The following PALB2 variants were observed in gnomAD, a reference collection of about 807,000 sequenced individuals.
The protein encoded by PALB2 is mutant partner and localizer of BRCA2.
In PALB2, 82 loss-of-function variants were observed where a neutral mutation model predicts 107.4. That is an observed-to-expected ratio of 0.76 (90% CI 0.64 to 0.92). The LOEUF is 0.92. PALB2 is among the 40% of genes least tolerant of loss of function. The pLI is 0.00. For missense variants in PALB2, 1,374 were observed against 1,379.9 expected, an observed-to-expected ratio of 1.00 and a Z score of 0.07; for synonymous variants, 489 against 496.8, an observed-to-expected ratio of 0.98 and a Z score of 0.21.
At position 23,629,719 on chromosome 16, in the gene PALB2, G is replaced by C. The variant is rs774502617; in HGVS notation, c.2435C>G (p.Pro812Arg). ...CDSVPPGTPP[P>R]IESFTFKENQ... ...TTCTTTAAAAGTGAATGACTCAATG[G>C]GTGGAGGTGTTCCTGGCGGGACAGA... Residue 812 changes from proline (P) to arginine (R), a missense_variant, in exon 5 of 13, where the codon CCC (proline) becomes CGC (arginine). Coordinates refer to ENST00000261584, the MANE Select transcript of PALB2 (RefSeq NM_024675.4). 1 of 1,614,214 alleles carries C rather than the reference G, an allele frequency of 6.2e-7. No individual in the cohort carries two copies. The highest frequency in any genetic ancestry group is 8.5e-7 in the Non-Finnish European group (1 of 1,180,036).
At chr16:23,637,212 T>C (rs937635509) in intron 3 of PALB2, among the ~76,000 whole-genome samples, 3 of 151,902 alleles carry the variant, frequency 2.0e-5, no homozygotes, top group Non-Finnish European at 4.4e-5. Flanking sequence ...TGAGCCACTG[T>C]ACTCCAGCCT....
At chr16:23,634,805 T>G (rs1966944138) in intron 4 of PALB2, 57 bp downstream of exon 4, 1 of 1,563,678 alleles carries the variant, frequency 6.4e-7, no homozygotes. Flanking sequence ...GCCAGGCAAA[T>G]AGTAATTGTT....
rs189133062 is a variant in PALB2 at position 23,618,186 on chromosome 16, C to A, written c.3113+3176G>T. 2.6e-5 allele frequency among the ~76,000 whole-genome samples: 4 copies of A among 152,232 alleles called. No homozygotes were observed. The East Asian group carries it at 7.7e-4, about 29-fold the overall frequency. ...TGATGCTGTGTGCCTGCAGTCCCAG[C>A]TACTCAGGAGGCTGAGGTGGGAGGA... is the stretch of plus-strand genomic sequence containing the variant. On this transcript the variant is annotated intron_variant, in intron 10 of 12. Transcript: ENST00000261584.
chr16:23,613,108 G>A (rs1383668990), intron 11 of PALB2, among the ~76,000 whole-genome samples: 2 of 151,994 alleles, frequency 1.3e-5, no homozygotes, highest in African/African-American at 2.4e-5. Context: ...GATCAAGGCG[G>A]GGTATTTGGG....
intron 1 of PALB2, 135 bp downstream of exon 1, chr16:23,640,975 C>G: frequency 1.0e-6 from 1 of 955,368 alleles, no homozygotes. Flanking sequence ...ATTTTCTGTG[C>G]CCCCTCAGCC....
Position 23,635,235 on chromosome 16 carries a change from T to C in PALB2, c.1311A>G (p.Lys437=), listed in dbSNP as rs190489275. ...AVIQSHLDVK[K]KGFKNKNKDA... is the part of the protein sequence containing the mutation. ...CCTTATTTTTATTTTTAAACCCTTT[T>C]TTCTTGACATCCAAATGACTCTGAA... Residue 437 remains lysine, a synonymous_variant, in exon 4 of 13, where the codon AAA becomes AAG. Transcript: ENST00000261584. 6.3e-5 allele frequency: 102 copies of C among 1,614,196 alleles called. 1 individual carries two copies. The South Asian group carries it at 9.8e-4, about 15-fold the overall frequency.
chr16:23,612,674 A>T (rs1966608710), intron 11 of PALB2, among the ~76,000 whole-genome samples: 1 of 151,924 alleles, frequency 6.6e-6, no homozygotes, highest in Non-Finnish European at 1.5e-5. Context: ...CTACAGCTGC[A>T]TGCCACCATG....
Position 23,630,169 on chromosome 16 carries a change from T to C in PALB2, c.1985A>G (p.Lys662Arg), listed in dbSNP as rs1441798714. 1 of 1,614,070 alleles carries C rather than the reference T, an allele frequency of 6.2e-7. No homozygotes were observed. Among genetic ancestry groups the C allele is most frequent in the Non-Finnish European group, 8.5e-7 (1 of 1,180,036 alleles). Residue 662 changes from lysine (K) to arginine (R), a missense_variant, in exon 5 of 13, where the codon AAA (lysine) becomes AGA (arginine). By Grantham distance (26) the Lys-to-Arg change is conservative (BLOSUM62 2). Coordinates refer to ENST00000261584, the MANE Select transcript of PALB2 (RefSeq NM_024675.4). The part of the protein sequence containing the change: ...SCIFPEELSP[K>R]RMDTEMEDLE... ...GTCCTCCATTTCTGTATCCATGCGT[T>C]TAGGACTCAGTTCCTCTGGAAAAAT...
intron 3 of PALB2, among the ~76,000 whole-genome samples, chr16:23,637,351 AAC>A (rs1259102873): frequency 6.6e-6 from 1 of 152,168 alleles, no homozygotes; most frequent in Non-Finnish European, 1.5e-5. Flanking sequence ...AAAAAGAATA[AAC>A]AGTCTAACTG....
chr16:23,637,769 A>C, intron 3 of PALB2, 81 bp downstream of exon 3: 1 of 1,036,020 alleles, frequency 9.7e-7, no homozygotes, highest in Non-Finnish European at 1.5e-6. Context: ...TTATCTTCAC[A>C]CTGTGGGAAA....
At chr16:23,606,379 T>C (rs1215673967) in intron 12 of PALB2, among the ~76,000 whole-genome samples, 1 of 151,528 alleles carries the variant, frequency 6.6e-6, no homozygotes, top group Non-Finnish European at 1.5e-5. Context: ...CACTCCAGCC[T>C]GGGCAACAAA....
At chr16:23,609,614 T>C (rs1177234526) in intron 11 of PALB2, among the ~76,000 whole-genome samples, 1 of 151,908 alleles carries the variant, frequency 6.6e-6, no homozygotes, top group Non-Finnish European at 1.5e-5. Flanking sequence ...GCCTCCTGGG[T>C]TCACGCCATT....
chr16:23,626,515 T>C, intron 6 of PALB2, 118 bp from the exon 7 acceptor site: 1 of 1,235,186 alleles, frequency 8.1e-7, no homozygotes. Flanking sequence ...AAAATTTAAG[T>C]CTTATGCAGG....
intron 4 of PALB2, among the ~76,000 whole-genome samples, chr16:23,631,109 C>CAA (rs58841030): frequency 6.3e-4 from 37 of 58,448 alleles, no homozygotes; most frequent in East Asian, 1.7e-3. Flanking sequence ...ACTAAAAATA[C>CAA]AAAAAAAAAA....
At chr16:23,627,120 G>A (rs1413563065) in intron 6 of PALB2, among the ~76,000 whole-genome samples, 1 of 152,126 alleles carries the variant, frequency 6.6e-6, no homozygotes. Context: ...TTATGACCAT[G>A]GGAGCACTAT....
Position 23,622,972 on chromosome 16 carries a change from C to G in PALB2, c.2993G>C (p.Gly998Ala), listed in dbSNP as rs45551636. The G allele has an allele frequency of 1.2e-6, 2 of 1,614,116 alleles. No homozygotes were observed. Among genetic ancestry groups the G allele is most frequent in the Non-Finnish European group, 8.5e-7 (1 of 1,180,010 alleles). The change falls in exon 9 of 13, where the codon GGA becomes GCA. Residue 998 changes from glycine (G) to alanine (A), a missense_variant. Coordinates refer to ENST00000261584, the MANE Select transcript of PALB2 (RefSeq NM_024675.4). ...QVEVMTFAED[G>A]GGKENQFLMP... ...AATCAATCAATGCTTTTCTTACCCT[C>G]CATCTTCTGCAAACGTCATGACTTC...
At chr16:23,606,466 A>C (rs1263660254) in intron 12 of PALB2, among the ~76,000 whole-genome samples, 2 of 152,216 alleles carry the variant, frequency 1.3e-5, no homozygotes, top group African/African-American at 4.8e-5. Flanking sequence ...GCACTTATCA[A>C]ATAAACTTTG....
Position 23,640,995 on chromosome 16 carries a change from G to C in PALB2, c.48+115C>G. On this transcript the variant is annotated intron_variant, in intron 1 of 12. Coordinates refer to ENST00000261584, the MANE Select transcript of PALB2 (RefSeq NM_024675.4). ...CTGTGCCCCCTCAGCCCTAAGAGGAGGGGGTGGTCAGATGATACTGCTGCC... is the reference window on the plus strand; with the variant it reads ...CTGTGCCCCCTCAGCCCTAAGAGGACGGGGTGGTCAGATGATACTGCTGCC... The C allele has an allele frequency of 4.3e-6, 5 of 1,167,816 alleles. No individual in the cohort carries two copies. The South Asian group carries it at 6.9e-5, about 16-fold the overall frequency. 72.3% of individuals were successfully genotyped at this position (1,167,816 alleles called of 1,614,324 possible).
rs1335897946 is a variant in PALB2, at chr16:23,635,672, G to T, written c.874C>A (p.Gln292Lys). The stretch of plus-strand genomic sequence containing the variant: ...GTAGAGACAGTCATTTTTTTGCCTT[G>T]TGCCTCCAAACTTACAGGTGAAGTA... ...RFTSPVSLEA[Q>K]GKKMTVSTDN... is the part of the protein sequence containing the mutation. Residue 292 changes from glutamine to lysine, a missense_variant, in exon 4 of 13, where the codon CAA (glutamine) becomes AAA (lysine). Coordinates refer to ENST00000261584, the MANE Select transcript of PALB2 (RefSeq NM_024675.4). The T allele has an allele frequency of 6.2e-7, 1 of 1,613,450 alleles. No homozygotes were observed. The highest frequency in any genetic ancestry group is 8.5e-7 in the Non-Finnish European group (1 of 1,179,758).
Sources: gnomAD v4.1 joint callset for allele counts (sites outside exome capture counted in the v4.1 genomes callset) on GRCh38, gnomAD v4.1.1 for gene constraint, MANE v1.5 for transcripts, NCBI Gene and HGNC (gene_info 2026-07-23, HGNC 2026-07-21) for gene names.